DHRS7B: variants seen among roughly 807,000 people sequenced by gnomAD.
The protein encoded by DHRS7B is dehydrogenase/reductase 7B.
A neutral mutation model predicts 26.4 loss-of-function variants in DHRS7B; 24 were observed. That is an observed-to-expected ratio of 0.91 (90% CI 0.66 to 1.28). The LOEUF (loss-of-function observed/expected upper bound fraction) is 1.28, where lower values mean the gene tolerates loss of function less well. DHRS7B is among the 50% of genes most tolerant of loss of function. The probability of loss-of-function intolerance (pLI) is 0.00; values close to 1 mark genes in which losing one functional copy is unlikely to be tolerated. For synonymous variants in DHRS7B, 142 were observed against 166.4 expected (o/e 0.85, Z 1.13); for missense variants, 368 against 419.4 (o/e 0.88, Z 1.07).
At chr17:21,149,257 C>G (rs1009032507) in intron 1 of DHRS7B, among the ~76,000 whole-genome samples, 2 of 151,878 alleles carry the variant, frequency 1.3e-5, no homozygotes, top group Non-Finnish European at 2.9e-5. Context: ...CTGTGTCCAG[C>G]AAAATTGTCC....
At chr17:21,166,131 C>A (rs929855866) in intron 1 of DHRS7B, 6 of 985,168 alleles carry the variant, frequency 6.1e-6, no homozygotes, top group Admixed American at 6.1e-5. Context: ...TCTCCGCCCC[C>A]CCTCACAGGA....
intron 1 of DHRS7B, among the ~76,000 whole-genome samples, chr17:21,144,681 AGTG>A (rs931478527): frequency 1.3e-5 from 2 of 151,928 alleles, no homozygotes; most frequent in African/African-American, 4.8e-5. Flanking sequence ...AGCCAGGCAT[AGTG>A]GTGCGTGCCT....
rs763863298 is a variant in DHRS7B at position 21,183,775 on chromosome 17, A to C, written c.491A>C (p.Glu164Ala). Residue 164 changes from glutamate to alanine, a missense_variant, in exon 4 of 7, where the codon GAG becomes GCG. Transcript: ENST00000395511. ...GTGGATGTGGACAAGAGGGTCATGG[A>C]GACAAACTACTTTGGCCCAGTTGCT... Reference protein sequence around the residue: ...TTVDVDKRVMETNYFGPVALT... With the variant: ...TTVDVDKRVMATNYFGPVALT... 5 of 1,614,120 alleles carry C rather than the reference A, an allele frequency of 3.1e-6. No homozygotes were observed. In the African/African-American group the frequency reaches 6.7e-5, roughly 22 times the overall value.
chr17:21,184,336 AG>A, intron 4 of DHRS7B, 34 bp from the exon 5 acceptor site: 1 of 1,575,336 alleles, frequency 6.3e-7, no homozygotes, highest in African/African-American at 1.4e-5. Context: ...GACTGGAAGT[AG>A]GGCGCTTGCC....
chr17:21,168,422 G>A (rs1276016196), intron 1 of DHRS7B, among the ~76,000 whole-genome samples: 2 of 152,126 alleles, frequency 1.3e-5, no homozygotes, highest in Non-Finnish European at 2.9e-5. Flanking sequence ...AGGCTGGAGT[G>A]CAGTGGTGCA....
intron 1 of DHRS7B, among the ~76,000 whole-genome samples, chr17:21,136,516 A>C (rs1202728368): frequency 6.8e-6 from 1 of 147,794 alleles, no homozygotes; most frequent in Non-Finnish European, 1.5e-5. Context: ...GTCTCAAAAG[A>C]AAAAAAAAAG....
chr17:21,140,551 A>G (rs948936324), intron 1 of DHRS7B, among the ~76,000 whole-genome samples: 2 of 114,124 alleles, frequency 1.8e-5, no homozygotes, highest in Admixed American at 1.8e-4. Flanking sequence ...CTGACACCCT[A>G]TAGCTTTTAC....
At chr17:21,149,887 G>T (rs1597737940) in intron 1 of DHRS7B, among the ~76,000 whole-genome samples, 1 of 151,970 alleles carries the variant, frequency 6.6e-6, no homozygotes, top group South Asian at 2.1e-4. Context: ...AGAAAATAAG[G>T]AACAAAATGG....
intron 1 of DHRS7B, among the ~76,000 whole-genome samples, chr17:21,156,437 C>G (rs962261564): frequency 6.6e-6 from 1 of 151,776 alleles, no homozygotes; most frequent in Admixed American, 6.6e-5. Flanking sequence ...GAAACCACAT[C>G]TCTACAAAAA....
intron 1 of DHRS7B, among the ~76,000 whole-genome samples, chr17:21,165,916 CA>C (rs11346854): frequency 0.35 from 42,088 of 118,924 alleles, 5,791 homozygotes; most frequent in Middle Eastern, 0.46. Context: ...ACTCCGTCTC[CA>C]AAAAAAAAAA....
chr17:21,153,598 A>AT lies in DHRS7B; in HGVS notation c.21-18420_21-18419insT, dbSNP rs1168333683. Among the ~76,000 whole-genome samples, 30 of 152,332 alleles carry AT rather than the reference A, an allele frequency of 2.0e-4. No individual in the cohort carries two copies. In the East Asian group the frequency reaches 3.3e-3, roughly 17 times the overall value. Reference sequence around the variant, plus strand: ...CTGTAGACTGTGTAATTTATAAAAAAACAGAAATGTCTTACAGTTCCAGAG... The same window carrying AT: ...CTGTAGACTGTGTAATTTATAAAAAATACAGAAATGTCTTACAGTTCCAGAG... On this transcript the variant is annotated intron_variant, in intron 1 of 6. Transcript: ENST00000395511.
chr17:21,144,482 A>G (rs762257316), intron 1 of DHRS7B, among the ~76,000 whole-genome samples: 12 of 152,224 alleles, frequency 7.9e-5, no homozygotes, highest in Non-Finnish European at 1.5e-4. Flanking sequence ...ACCCAGGTTT[A>G]CTGATTCACC....
At chr17:21,189,917 C>G (rs1054508489) in intron 6 of DHRS7B, among the ~76,000 whole-genome samples, 22 of 152,338 alleles carry the variant, frequency 1.4e-4, no homozygotes, top group East Asian at 1.3e-3. Context: ...CCTGAAATCT[C>G]AGCACTTTGG....
chr17:21,168,542 T>A (rs1974164456), intron 1 of DHRS7B, among the ~76,000 whole-genome samples: 1 of 152,078 alleles, frequency 6.6e-6, no homozygotes, highest in Non-Finnish European at 1.5e-5. Context: ...TTAGTTTATG[T>A]GTTTTTTGTA....
intron 2 of DHRS7B, among the ~76,000 whole-genome samples, chr17:21,177,165 G>T (rs1248093206): frequency 6.6e-6 from 1 of 152,176 alleles, no homozygotes; most frequent in African/African-American, 2.4e-5. Context: ...GGCCTTCCCT[G>T]GGATTTGATC....
At chr17:21,134,037 GA>G (rs1305018884) in intron 1 of DHRS7B, among the ~76,000 whole-genome samples, 2 of 151,892 alleles carry the variant, frequency 1.3e-5, no homozygotes, top group Non-Finnish European at 2.9e-5. Context: ...AAAAAAAAAG[GA>G]AAAAAACTGA....
At chr17:21,160,699 C>T (rs1383779007) in intron 1 of DHRS7B, among the ~76,000 whole-genome samples, 2 of 152,144 alleles carry the variant, frequency 1.3e-5, no homozygotes, top group Non-Finnish European at 2.9e-5. Flanking sequence ...TTAACATACA[C>T]CACAGTAATC....
chr17:21,133,730 G>A (rs1020719358), intron 1 of DHRS7B, among the ~76,000 whole-genome samples: 1 of 152,150 alleles, frequency 6.6e-6, no homozygotes, highest in Non-Finnish European at 1.5e-5. Context: ...TTTATTCCTA[G>A]TTAGTTAGGT....
intron 1 of DHRS7B, among the ~76,000 whole-genome samples, chr17:21,145,106 C>T (rs1177399657): frequency 5.3e-5 from 8 of 151,920 alleles, no homozygotes; most frequent in Admixed American, 3.3e-4. Flanking sequence ...GGGCGGATCA[C>T]GAGGTCAGGA....
Sources: allele counts gnomAD v4.1 joint callset (sites outside exome capture counted in the v4.1 genomes callset), GRCh38; gene constraint gnomAD v4.1.1; transcripts MANE v1.5; gene names NCBI Gene and HGNC (gene_info 2026-07-23, HGNC 2026-07-21).